AMBRA1: variants seen among roughly 807,000 people sequenced by gnomAD.
AMBRA1 encodes the protein autophagy and beclin 1 regulator 1.
A neutral mutation model predicts 125.4 loss-of-function variants in AMBRA1; 47 were observed. The ratio of observed to expected loss-of-function variants is 0.37; its 90% CI spans 0.30 to 0.48. The LOEUF is 0.48. Ranked by LOEUF, AMBRA1 falls within the 20% of genes least tolerant of loss-of-function variation. AMBRA1 has a pLI of 0.99. For synonymous variants in AMBRA1, 626 were observed against 655.5 expected (o/e 0.95, Z 0.69); for missense variants, 1,331 against 1,693.4 (o/e 0.79, Z 3.76).
chr11:46,406,972 A>G (rs533200982), intron 17 of AMBRA1, among the ~76,000 whole-genome samples: 1 of 152,160 alleles, frequency 6.6e-6, no homozygotes, highest in South Asian at 2.1e-4. Flanking sequence ...CGAGGTCAGG[A>G]GTTCGAGACC....
At chr11:46,410,523 T>A (rs767740370) in intron 15 of AMBRA1, among the ~76,000 whole-genome samples, 155 bp from the exon 16 acceptor site, 1 of 152,188 alleles carries the variant, frequency 6.6e-6, no homozygotes, top group Non-Finnish European at 1.5e-5. Context: ...TGCTGCCTCA[T>A]CAGGATGCTC....
chr11:46,403,967 A>C lies in AMBRA1; in HGVS notation c.3403+4546T>G, dbSNP rs1945883577. Among the ~76,000 whole-genome samples the C allele has an allele frequency of 1.3e-5, 2 of 152,158 alleles. 1 individual carries two copies. The highest frequency in any genetic ancestry group is 4.1e-4 in the South Asian group (2 of 4,824). On this transcript the variant is annotated intron_variant, in intron 17 of 17. Transcript: ENST00000683756. ...ATAATCCCAGTACTTTGGGAGGCCA[A>C]GGTGGGAGGATCACTGGAGCCCAGG...
chr11:46,518,608 T>C (rs886838596), intron 7 of AMBRA1, among the ~76,000 whole-genome samples: 4 of 152,084 alleles, frequency 2.6e-5, no homozygotes, highest in Admixed American at 6.6e-5. Flanking sequence ...GGAATCCTGA[T>C]AGAGACAAAG....
intron 14 of AMBRA1, chr11:46,428,778 C>T: frequency 2.5e-6 from 4 of 1,611,238 alleles, no homozygotes; most frequent in Non-Finnish European, 3.4e-6. Context: ...CTGTAGGTAT[C>T]TCTGTCAGCT....
chr11:46,415,130 T>C (rs896618217), intron 15 of AMBRA1, among the ~76,000 whole-genome samples: 1 of 152,176 alleles, frequency 6.6e-6, no homozygotes, highest in African/African-American at 2.4e-5. Context: ...GCCAGGGAGC[T>C]GTATCACCCA....
chr11:46,413,179 CCAGGCAGCAG>C (rs1173715265), intron 15 of AMBRA1, among the ~76,000 whole-genome samples: 19 of 152,248 alleles, frequency 1.2e-4, no homozygotes, highest in Non-Finnish European at 2.5e-4. Context: ...TGCTTTCCAT[CCAGGCAGCAG>C]CATGGAGCAT....
chr11:46,451,964 G>A (rs1230205684), intron 11 of AMBRA1: 2 of 151,962 alleles, frequency 1.3e-5, no homozygotes, highest in Admixed American at 1.3e-4. Flanking sequence ...GAGGGAAAGG[G>A]GAAGTGACTG....
chr11:46,425,927 A>G (rs1411029125), intron 14 of AMBRA1, among the ~76,000 whole-genome samples: 1 of 151,928 alleles, frequency 6.6e-6, no homozygotes, highest in East Asian at 1.9e-4. Context: ...TGGGCAGATC[A>G]CAAGGCCAGG....
intron 12 of AMBRA1, among the ~76,000 whole-genome samples, chr11:46,439,630 A>T (rs1476557066): frequency 6.6e-6 from 1 of 152,234 alleles, no homozygotes; most frequent in Admixed American, 6.5e-5. Context: ...CCATAAAAGG[A>T]AAGTTGTATA....
chr11:46,579,775 T>C (rs956064876), intron 1 of AMBRA1, among the ~76,000 whole-genome samples: 8 of 152,200 alleles, frequency 5.3e-5, no homozygotes, highest in African/African-American at 9.6e-5. Context: ...TGCAGTGACA[T>C]GATATCAGCT....
At chr11:46,421,280 T>C (rs1270266711) in intron 14 of AMBRA1, among the ~76,000 whole-genome samples, 6 of 152,246 alleles carry the variant, frequency 3.9e-5, no homozygotes, top group African/African-American at 4.8e-5. Context: ...CCTCCAGCTA[T>C]GGCACTCCCT....
At chr11:46,537,160 C>T (rs976047825) in intron 7 of AMBRA1, among the ~76,000 whole-genome samples, 10 of 152,140 alleles carry the variant, frequency 6.6e-5, no homozygotes, top group African/African-American at 2.4e-4. Context: ...TACCATTCTA[C>T]CCAAAAATAA....
intron 14 of AMBRA1, 87 bp from the exon 15 acceptor site, chr11:46,418,139 T>C: frequency 1.5e-6 from 2 of 1,337,882 alleles, no homozygotes; most frequent in Non-Finnish European, 2.0e-6. Flanking sequence ...AGAAACAAAT[T>C]AGAAGGAGGA....
chr11:46,592,853 T>C lies in AMBRA1; in HGVS notation c.-121+975A>G, dbSNP rs1451906966. 2.6e-5 allele frequency among the ~76,000 whole-genome samples: 4 copies of C among 152,192 alleles called. No individual in the cohort carries two copies. In the East Asian group the frequency reaches 5.8e-4, roughly 22 times the overall value. ...ACAGGACAAGCGTTTGCCTTCAAAG[T>C]CTTGACCATCCTCTACTAGACTCTA... On this transcript the variant is annotated intron_variant, in intron 1 of 17. Coordinates refer to ENST00000683756, the MANE Select transcript of AMBRA1 (RefSeq NM_001387011.1).
At chr11:46,423,293 A>T (rs1946937339) in intron 14 of AMBRA1, among the ~76,000 whole-genome samples, 1 of 152,222 alleles carries the variant, frequency 6.6e-6, no homozygotes. Context: ...ATTGCTTTTT[A>T]AAAACTTTAA....
intron 7 of AMBRA1, among the ~76,000 whole-genome samples, chr11:46,541,730 G>A (rs891786209): frequency 3.9e-5 from 6 of 152,180 alleles, no homozygotes; most frequent in South Asian, 2.1e-4. Flanking sequence ...GAGCTTAGCC[G>A]AAATAGAGCT....
chr11:46,494,480 C>G (rs1455002394), intron 9 of AMBRA1: 1 of 334,962 alleles, frequency 3.0e-6, no homozygotes, highest in Non-Finnish European at 5.6e-6. Flanking sequence ...ACTGAAGCCA[C>G]ATTTAGATCT....
intron 7 of AMBRA1, among the ~76,000 whole-genome samples, chr11:46,518,948 T>C (rs1479248501): frequency 6.6e-6 from 1 of 152,182 alleles, no homozygotes; most frequent in Non-Finnish European, 1.5e-5. Flanking sequence ...ATTTTTAAAA[T>C]AGTCAAAGAA....
Position 46,543,998 on chromosome 11 carries a change from T to A in AMBRA1, c.595A>T (p.Ile199Phe). 1 of 1,614,002 alleles carries A rather than the reference T, an allele frequency of 6.2e-7. No homozygotes were observed. The highest frequency in any genetic ancestry group is 8.5e-7 in the Non-Finnish European group (1 of 1,179,928). Residue 199 changes from isoleucine to phenylalanine, a missense_variant, in exon 6 of 18, where the codon ATT (isoleucine) becomes TTT (phenylalanine). Around this residue, in one of 4 missense-constraint regions of AMBRA1, gnomAD observed 689 missense variants for 776.5 expected, o/e 0.89. Coordinates refer to ENST00000683756, the MANE Select transcript of AMBRA1 (RefSeq NM_001387011.1). Reference protein sequence around the residue: ...DPLGHYLLTAIVNPSNQQGDD... With the variant: ...DPLGHYLLTAFVNPSNQQGDD... ...ACCTGTTGATTAGAGGGGTTAACAA[T>A]TGCTGTGAGTAAGTAGTGTCCAAGT...
Sources: allele counts gnomAD v4.1 joint callset (sites outside exome capture counted in the v4.1 genomes callset), GRCh38; gene constraint gnomAD v4.1.1; regional missense constraint gnomAD v4.1.1; transcripts MANE v1.5; gene names NCBI Gene and HGNC (gene_info 2026-07-23, HGNC 2026-07-21).